The following FBN2 variants were observed in gnomAD, a reference collection of about 807,000 sequenced individuals.
The protein encoded by FBN2 is fibrillin 2.
Under a neutral mutation model 355.6 loss-of-function variants are expected in FBN2, and 105 were observed. That is an observed-to-expected ratio of 0.30 (90% CI 0.25 to 0.35). FBN2 has a LOEUF of 0.35. FBN2 is among the 10% of genes least tolerant of loss of function. The probability of loss-of-function intolerance (pLI) is 1.00; values close to 1 mark genes in which losing one functional copy is unlikely to be tolerated. For synonymous variants in FBN2, 1,350 were observed against 1,301.2 expected (o/e 1.04, Z -0.81); for missense variants, 3,280 against 3,758.7 (o/e 0.87, Z 3.33).
intron 2 of FBN2, among the ~76,000 whole-genome samples, chr5:128,535,499 C>T (rs1372357430): frequency 3.3e-5 from 5 of 152,148 alleles, no homozygotes; most frequent in African/African-American, 1.2e-4. Context: ...TGATACCTGG[C>T]TCTCCTTCCA....
At chr5:128,527,404 T>G (rs1423823133) in intron 4 of FBN2, among the ~76,000 whole-genome samples, 1 of 152,270 alleles carries the variant, frequency 6.6e-6, no homozygotes, top group South Asian at 2.1e-4. Flanking sequence ...TAAATATATT[T>G]AAGCAAAGGA....
At position 128,530,575 on chromosome 5, in the gene FBN2, G is replaced by A. The variant is rs1168120609; in HGVS notation, c.436+20C>T. On this transcript the variant is annotated intron_variant, in intron 3 of 64. Transcript: ENST00000262464. ...AGCTTAAGAAAAATGCAGTGAAAAG[G>A]CCACAAGTAAGAAACATACTTGATT... The A allele has an allele frequency of 6.5e-7, 1 of 1,531,612 alleles. No individual in the cohort carries two copies. The highest frequency in any genetic ancestry group is 9.0e-7 in the Non-Finnish European group (1 of 1,105,164). The allele number at this position is 1,531,612 out of a possible 1,614,324, so 94.9% of individuals were successfully genotyped here.
chr5:128,263,875 C>T (rs1765048477), intron 62 of FBN2, among the ~76,000 whole-genome samples: 1 of 152,122 alleles, frequency 6.6e-6, no homozygotes, highest in Non-Finnish European at 1.5e-5. Flanking sequence ...TCTGTTTGTA[C>T]TGTTTCTAAA....
intron 7 of FBN2, among the ~76,000 whole-genome samples, chr5:128,426,493 A>G (rs1753486714): frequency 6.6e-6 from 1 of 152,214 alleles, no homozygotes; most frequent in African/African-American, 2.4e-5. Flanking sequence ...GAGTGCAAGC[A>G]GAAAGCAACT....
In FBN2 at chr5:128,290,852, C is replaced by T. The variant is rs961487451; in HGVS notation, c.6325G>A (p.Glu2109Lys). 6.2e-7 allele frequency: 1 copy of T among 1,614,028 alleles called. No homozygotes were observed. Among genetic ancestry groups the T allele is most frequent in the Non-Finnish European group, 8.5e-7 (1 of 1,179,950 alleles). ...TTGGGTACAGAACACTTTCCATTTT[C>T]AAAATTTGTGAAGCAGAAGCTCTGG... ...TRQSFCFTNF[E>K]NGKCSVPKAF... Residue 2109 changes from glutamate to lysine, a missense_variant, in exon 50 of 65, where the codon GAA becomes AAA. Glu to Lys is a moderately conservative substitution (Grantham distance 56). Around this residue, in one of 6 missense-constraint regions of FBN2, gnomAD observed 2,284 missense variants for 2,749.5 expected, o/e 0.83. Coordinates refer to ENST00000262464, the MANE Select transcript of FBN2 (RefSeq NM_001999.4).
chr5:128,346,312 G>A (rs1751181602), intron 23 of FBN2, among the ~76,000 whole-genome samples: 1 of 152,160 alleles, frequency 6.6e-6, no homozygotes, highest in Non-Finnish European at 1.5e-5. Context: ...TTAGCAAATA[G>A]ATTTATTTTC....
Position 128,464,425 on chromosome 5 carries a change from A to G in FBN2, c.826+299T>C, listed in dbSNP as rs1213015211. ...CATGAGTATAGTTAAGGGAGGAGTCATGCCATCTAGATAAAAATAGAGTGG... is the reference window on the plus strand; with the variant it reads ...CATGAGTATAGTTAAGGGAGGAGTCGTGCCATCTAGATAAAAATAGAGTGG... On this transcript the variant is annotated intron_variant, in intron 6 of 64. Transcript: ENST00000262464. 4.6e-5 allele frequency among the ~76,000 whole-genome samples: 7 copies of G among 152,328 alleles called. No homozygotes were observed. In the East Asian group the frequency reaches 1.3e-3, roughly 29 times the overall value.
At chr5:128,456,141 G>A (rs927758928) in intron 6 of FBN2, among the ~76,000 whole-genome samples, 1 of 151,610 alleles carries the variant, frequency 6.6e-6, no homozygotes, top group Admixed American at 6.6e-5. Flanking sequence ...TTGGTCCCAA[G>A]ACTTGTCCTC....
chr5:128,289,001 C>T (rs1313301605), intron 52 of FBN2, 126 bp downstream of exon 52: 3 of 922,444 alleles, frequency 3.3e-6, no homozygotes, highest in Non-Finnish European at 5.2e-6. Context: ...GAAGAAGGTG[C>T]CACTACTAGC....
chr5:128,422,786 G>T (rs1182033900), intron 7 of FBN2, among the ~76,000 whole-genome samples: 3 of 152,142 alleles, frequency 2.0e-5, no homozygotes, highest in African/African-American at 7.2e-5. Context: ...TTTACTGTGT[G>T]TAAGAATCAC....
At chr5:128,346,905 A>G (rs192212877) in intron 23 of FBN2, among the ~76,000 whole-genome samples, 6 of 152,366 alleles carry the variant, frequency 3.9e-5, no homozygotes, top group Admixed American at 2.0e-4. Flanking sequence ...CTGAATGTAG[A>G]TATCTACAGA....
chr5:128,465,757 T>C (rs1244161804), intron 5 of FBN2, among the ~76,000 whole-genome samples: 3 of 152,198 alleles, frequency 2.0e-5, no homozygotes, highest in Non-Finnish European at 2.9e-5. Flanking sequence ...ATGTATGGCA[T>C]GTGTGATACA....
chr5:128,353,407 T>C (rs1751420399), intron 20 of FBN2, among the ~76,000 whole-genome samples: 2 of 152,184 alleles, frequency 1.3e-5, no homozygotes, highest in South Asian at 4.1e-4. Flanking sequence ...GAAAAAGAGC[T>C]GGACAGTCAC....
At chr5:128,503,663 G>C (rs1388373208) in intron 5 of FBN2, among the ~76,000 whole-genome samples, 1 of 152,234 alleles carries the variant, frequency 6.6e-6, no homozygotes, top group South Asian at 2.1e-4. Context: ...ATATCTGGTG[G>C]AAGAACTTTC....
intron 34 of FBN2, among the ~76,000 whole-genome samples, chr5:128,320,541 G>A (rs764308647): frequency 3.3e-5 from 5 of 152,086 alleles, no homozygotes; most frequent in Non-Finnish European, 5.9e-5. Context: ...AACTTTATTA[G>A]AAATTTCTTC....
intron 4 of FBN2, among the ~76,000 whole-genome samples, chr5:128,524,215 C>T (rs747549870): frequency 6.6e-6 from 1 of 152,052 alleles, no homozygotes; most frequent in Non-Finnish European, 1.5e-5. Context: ...TTTCACTTGT[C>T]CAGAACAATT....
chr5:128,380,016 T>A (rs892691541), intron 11 of FBN2, among the ~76,000 whole-genome samples: 16 of 152,036 alleles, frequency 1.1e-4, no homozygotes, highest in African/African-American at 3.4e-4. Flanking sequence ...TCAGACTGAA[T>A]GCAATTAAGC....
At chr5:128,466,965 G>A (rs767073842) in intron 5 of FBN2, among the ~76,000 whole-genome samples, 8 of 151,962 alleles carry the variant, frequency 5.3e-5, no homozygotes, top group African/African-American at 7.3e-5. Context: ...TGAATACGTG[G>A]GGAAAAGTCT....
In FBN2 at chr5:128,364,690, C is replaced by T. The variant is rs1287438380; in HGVS notation, c.2338G>A (p.Ala780Thr). The T allele has an allele frequency of 6.2e-7, 1 of 1,612,814 alleles. No homozygotes were observed. Among genetic ancestry groups the T allele is most frequent in the African/African-American group, 1.3e-5 (1 of 74,896 alleles). ...NECALDPDIC[A>T]NGICENLRGS... ...CGTAAGTTTTCACAAATCCCATTGG[C>T]ACATATATCAGGATCCAAAGCACAT... is the stretch of plus-strand genomic sequence containing the variant. The change falls in exon 18 of 65, where the codon GCC becomes ACC. Residue 780 changes from alanine to threonine, a missense_variant. This residue lies in a region of FBN2 where 2,284 missense variants were observed against 2,749.5 expected (regional missense o/e 0.83). Transcript: ENST00000262464.
Sources: allele counts gnomAD v4.1 joint callset (sites outside exome capture counted in the v4.1 genomes callset), GRCh38; gene constraint gnomAD v4.1.1; regional missense constraint gnomAD v4.1.1; transcripts MANE v1.5; gene names NCBI Gene and HGNC (gene_info 2026-07-23, HGNC 2026-07-21).